DNAH9: variants seen among roughly 807,000 people sequenced by gnomAD.
DNAH9 encodes dynein axonemal heavy chain 9.
In DNAH9, 345 loss-of-function variants were observed where a neutral mutation model predicts 471.6. The ratio of observed to expected loss-of-function variants is 0.73; its 90% CI spans 0.67 to 0.80. DNAH9 has a LOEUF of 0.80. Among genes scored for constraint, DNAH9 ranks in the 30% least tolerant of loss-of-function variants. The probability of loss-of-function intolerance (pLI) is 0.00; values close to 1 mark genes in which losing one functional copy is unlikely to be tolerated. For synonymous variants in DNAH9, 2,093 were observed against 2,123.6 expected (o/e 0.99, Z 0.40); for missense variants, 5,407 against 5,609.2 (o/e 0.96, Z 1.15).
chr17:11,718,265 A>G (rs2075000192), intron 26 of DNAH9, among the ~76,000 whole-genome samples: 1 of 152,188 alleles, frequency 6.6e-6, no homozygotes, highest in Non-Finnish European at 1.5e-5. Flanking sequence ...TTGGTACTTC[A>G]TTCCTTTATA....
chr17:11,654,890 C>T (rs750217434), intron 14 of DNAH9, among the ~76,000 whole-genome samples: 2 of 152,078 alleles, frequency 1.3e-5, no homozygotes, highest in Admixed American at 1.3e-4. Context: ...TGTAGCTCTG[C>T]ATTTATCCAA....
rs749786107 is a variant in DNAH9 at position 11,680,710 on chromosome 17, G to T, written c.3577-13G>T. ...ACCTTGGGAATCTGACCACACTGAG[G>T]TTTCCTTTGCAGGAGCTGCCTGAGA... On this transcript the variant is annotated splice_polypyrimidine_tract_variant and intron_variant, in intron 18 of 68. Transcript: ENST00000262442. The T allele has an allele frequency of 1.2e-6, 2 of 1,613,606 alleles. No homozygotes were observed. Among genetic ancestry groups the T allele is most frequent in the East Asian group, 2.2e-5 (1 of 44,866 alleles).
intron 64 of DNAH9, 90 bp from the exon 65 acceptor site, chr17:11,933,790 G>A: frequency 8.4e-7 from 1 of 1,187,784 alleles, no homozygotes; most frequent in Non-Finnish European, 1.2e-6. Flanking sequence ...CCTCTCTTGT[G>A]GCTTTCTGTG....
Position 11,798,202 on chromosome 17 carries a change from G to A in DNAH9, c.8420+409G>A, listed in dbSNP as rs189034163. ...TAATCCCAGCACTTTGGAGGCCGAG[G>A]CGGGCAGATCACGAGGTCAGGAGAT... is the stretch of plus-strand genomic sequence containing the variant. On this transcript the variant is annotated intron_variant, in intron 43 of 68. Transcript: ENST00000262442. Among the ~76,000 whole-genome samples, 34 of 152,150 alleles carry A rather than the reference G, an allele frequency of 2.2e-4. 1 individual carries two copies. The highest frequency in any genetic ancestry group is 1.9e-3 in the Admixed American group (29 of 15,292).
rs749332972 is a variant in DNAH9, at chr17:11,752,847, A to G, written c.6625A>G (p.Ile2209Val). 5 of 1,595,194 alleles carry G rather than the reference A, an allele frequency of 3.1e-6. No individual in the cohort carries two copies. Among genetic ancestry groups the G allele is most frequent in the East Asian group, 2.2e-5 (1 of 44,682 alleles). Residue 2209 changes from isoleucine (I) to valine (V), a missense_variant, in exon 33 of 69, where the codon ATC becomes GTC. This residue lies in a region of DNAH9 where 4,636 missense variants were observed against 4,900.3 expected (regional missense o/e 0.95). Transcript: ENST00000262442. ...GEWKDGLFSSIMRELANITHD... is the reference protein window; with the variant it reads ...GEWKDGLFSSVMRELANITHD... ...GTTCCTTTTAGGATTGTTCTCTTCC[A>G]TCATGCGGGAGCTTGCCAACATCAC... is the stretch of plus-strand genomic sequence containing the variant.
rs377010628 is a variant in DNAH9 at position 11,933,895 on chromosome 17, T to C, written c.12313T>C (p.Leu4105=). ...EANAKVPYDD[L]RYLFGEIMYG... Reference sequence around the variant, plus strand: ...CATCACTCAGGTCCCCTATGATGATTTGCGCTACCTGTTTGGAGAGATCAT... The same window carrying C: ...CATCACTCAGGTCCCCTATGATGATCTGCGCTACCTGTTTGGAGAGATCAT... The change falls in exon 65 of 69, where the codon TTG becomes CTG. Residue 4105 remains leucine, a synonymous_variant. Coordinates refer to ENST00000262442, the MANE Select transcript of DNAH9 (RefSeq NM_001372.4). 12 of 1,612,576 alleles carry C rather than the reference T, an allele frequency of 7.4e-6. No homozygotes were observed. The highest frequency in any genetic ancestry group is 5.0e-5 in the Admixed American group (3 of 59,878).
chr17:11,688,098 A>G (rs1043876722), intron 19 of DNAH9, among the ~76,000 whole-genome samples: 2 of 142,086 alleles, frequency 1.4e-5, no homozygotes, highest in Non-Finnish European at 3.0e-5. Flanking sequence ...AAAAAAAAAA[A>G]AAGAAAAAGC....
intron 50 of DNAH9, among the ~76,000 whole-genome samples, chr17:11,860,108 A>G (rs1971787708): frequency 6.6e-6 from 1 of 152,248 alleles, no homozygotes; most frequent in African/African-American, 2.4e-5. Context: ...ACTGATCTGC[A>G]AAGTTAAAAA....
Position 11,623,768 on chromosome 17 carries a change from A to T in DNAH9, c.1350+3987A>T, listed in dbSNP as rs1221674519. ...ACTGAGATGATGGTAGCTGCAATTA[A>T]TAAATACATGAAACACCAATGTGTT... On this transcript the variant is annotated intron_variant, in intron 6 of 68. Coordinates refer to ENST00000262442, the MANE Select transcript of DNAH9 (RefSeq NM_001372.4). This position sits in a 1 kb window ranked among gnomAD's most constrained non-coding sequence, Gnocchi z 4.1. 6.6e-6 allele frequency among the ~76,000 whole-genome samples: 1 copy of T among 152,214 alleles called. No homozygotes were observed. Among genetic ancestry groups the T allele is most frequent in the African/African-American group, 2.4e-5 (1 of 41,458 alleles).
intron 17 of DNAH9, 53 bp from the exon 18 acceptor site, chr17:11,679,704 C>T (rs1031391629): frequency 1.7e-5 from 22 of 1,309,090 alleles, no homozygotes; most frequent in Non-Finnish European, 2.4e-5. Context: ...ATACATCTGC[C>T]TTTCGAGAAG....
chr17:11,643,384 C>T (rs929596916), intron 10 of DNAH9, among the ~76,000 whole-genome samples: 15 of 152,056 alleles, frequency 9.9e-5, no homozygotes, highest in African/African-American at 2.4e-4. Flanking sequence ...GGTAGTGTTT[C>T]GGATCGCGTG....
At chr17:11,880,020 T>C in intron 53 of DNAH9, 58 bp from the exon 54 acceptor site, 1 of 1,603,006 alleles carries the variant, frequency 6.2e-7, no homozygotes, top group South Asian at 1.1e-5. Context: ...CATTAAATGG[T>C]CTCAACTCCA....
chr17:11,871,439 C>T (rs1348279698), intron 51 of DNAH9, among the ~76,000 whole-genome samples, 159 bp from the exon 52 acceptor site: 5 of 152,306 alleles, frequency 3.3e-5, no homozygotes, highest in East Asian at 3.9e-4. Flanking sequence ...AGCTTTGCTA[C>T]AGGCAGCACA....
chr17:11,755,654 T>A (rs899121629), intron 33 of DNAH9, among the ~76,000 whole-genome samples: 2 of 12,488 alleles, frequency 1.6e-4, no homozygotes, highest in African/African-American at 3.5e-4. Context: ...CTTAAACTGT[T>A]TAAATAACTT....
chr17:11,776,970 T>C (rs1968460220), intron 38 of DNAH9, among the ~76,000 whole-genome samples: 1 of 152,240 alleles, frequency 6.6e-6, no homozygotes, highest in African/African-American at 2.4e-5. Flanking sequence ...TACAACATAA[T>C]GGTCCGCCCT....
chr17:11,851,065 A>G (rs1225784469), intron 49 of DNAH9, among the ~76,000 whole-genome samples: 2 of 151,376 alleles, frequency 1.3e-5, no homozygotes, highest in African/African-American at 4.8e-5. Context: ...AGAGTCTTAC[A>G]GGGTGGGGGT....
intron 17 of DNAH9, 141 bp from the exon 18 acceptor site, chr17:11,679,616 T>C: frequency 1.5e-6 from 1 of 667,526 alleles, no homozygotes; most frequent in Admixed American, 2.2e-5. Flanking sequence ...CAGAGCATAG[T>C]CTATGCAGAG....
chr17:11,803,323 G>A (rs1242567733), intron 43 of DNAH9, among the ~76,000 whole-genome samples: 2 of 151,896 alleles, frequency 1.3e-5, no homozygotes, highest in African/African-American at 2.4e-5. Context: ...CAACAACAAC[G>A]ACAAACCCTC....
At position 11,639,981 on chromosome 17, in the gene DNAH9, C is replaced by T. The variant is rs542680047; in HGVS notation, c.1787-289C>T. Reference sequence around the variant, plus strand: ...TTGCGCCACTGCACTCCAGCCTGGGCGACAAGAGTTAGACTCCTTGAAACA... The same window carrying T: ...TTGCGCCACTGCACTCCAGCCTGGGTGACAAGAGTTAGACTCCTTGAAACA... On this transcript the variant is annotated intron_variant, in intron 9 of 68. Coordinates refer to ENST00000262442, the MANE Select transcript of DNAH9 (RefSeq NM_001372.4). Among the ~76,000 whole-genome samples the T allele has an allele frequency of 9.9e-5, 15 of 152,234 alleles. No homozygotes were observed. The South Asian group carries it at 2.7e-3, about 27-fold the overall frequency.
Sources: allele counts gnomAD v4.1 joint callset (sites outside exome capture counted in the v4.1 genomes callset), GRCh38; gene constraint gnomAD v4.1.1; regional missense constraint gnomAD v4.1.1; non-coding constraint Gnocchi (gnomAD v3.1); transcripts MANE v1.5; gene names NCBI Gene and HGNC (gene_info 2026-07-23, HGNC 2026-07-21).